The following HTR1F variants were observed in gnomAD, a reference collection of about 807,000 sequenced individuals.
The protein encoded by HTR1F is 5-hydroxytryptamine receptor 1F.
In HTR1F, 17 loss-of-function variants were observed where a neutral mutation model predicts 24.0. That is an observed-to-expected ratio of 0.71 (90% confidence interval 0.48 to 1.06). HTR1F has a LOEUF of 1.06. Ranked by LOEUF, HTR1F falls within the 50% of genes least tolerant of loss-of-function variation. The pLI is 0.00. For missense variants in HTR1F, 391 were observed against 427.8 expected (o/e 0.91, Z 0.76); for synonymous variants, 186 against 156.8 (o/e 1.19, Z -1.39).
intron 1 of HTR1F, among the ~76,000 whole-genome samples, chr3:87,798,013 T>C (rs1254537049): frequency 6.6e-6 from 1 of 152,182 alleles, no homozygotes; most frequent in African/African-American, 2.4e-5. Context: ...ATCTGTCCTT[T>C]GGCCAGCATC....
chr3:87,793,008 A>C (rs1703841732), intron 1 of HTR1F, among the ~76,000 whole-genome samples, 166 bp downstream of exon 1: 1 of 152,212 alleles, frequency 6.6e-6, no homozygotes, highest in Non-Finnish European at 1.5e-5. Flanking sequence ...CACTACTTTG[A>C]TCTAACAGCG....
At chr3:87,914,515 G>T (rs564236628) in intron 2 of HTR1F, among the ~76,000 whole-genome samples, 2 of 152,156 alleles carry the variant, frequency 1.3e-5, no homozygotes, top group East Asian at 3.9e-4. Context: ...GCACGCTGCA[G>T]GTCAGACCAG....
intron 2 of HTR1F, among the ~76,000 whole-genome samples, chr3:87,920,712 G>A (rs1703996168): frequency 6.6e-6 from 1 of 151,830 alleles, no homozygotes; most frequent in Admixed American, 6.6e-5. Context: ...AACACACAAT[G>A]GGGCCTGCTT....
intron 2 of HTR1F, among the ~76,000 whole-genome samples, chr3:87,960,244 G>C (rs549031743): frequency 6.6e-6 from 1 of 151,926 alleles, no homozygotes; most frequent in African/African-American, 2.4e-5. Flanking sequence ...TACTTGATGA[G>C]CCTTCATTTA....
intron 2 of HTR1F, among the ~76,000 whole-genome samples, chr3:87,985,582 A>G (rs965379750): frequency 2.0e-5 from 3 of 152,238 alleles, no homozygotes; most frequent in Admixed American, 2.0e-4. Context: ...TAAGCATGTT[A>G]ATGCATGGAA....
At chr3:87,869,484 TA>T (rs1705509141) in intron 2 of HTR1F, among the ~76,000 whole-genome samples, 1 of 149,934 alleles carries the variant, frequency 6.7e-6, no homozygotes, top group African/African-American at 2.5e-5. Flanking sequence ...AGATAGATGA[TA>T]GATAGATATT....
At chr3:87,839,505 G>T (rs1333350506) in intron 2 of HTR1F, among the ~76,000 whole-genome samples, 2 of 151,906 alleles carry the variant, frequency 1.3e-5, no homozygotes, top group Non-Finnish European at 2.9e-5. Flanking sequence ...TTCCTACTTC[G>T]CTCTTTTCAC....
intron 2 of HTR1F, among the ~76,000 whole-genome samples, chr3:87,884,907 AAC>A (rs1313850280): frequency 6.6e-6 from 1 of 152,160 alleles, no homozygotes; most frequent in African/African-American, 2.4e-5. Context: ...GGGAGACTTT[AAC>A]ACCCCACTGT....
chr3:87,849,352 T>C (rs1705025904), intron 2 of HTR1F, among the ~76,000 whole-genome samples: 1 of 151,430 alleles, frequency 6.6e-6, no homozygotes, highest in Non-Finnish European at 1.5e-5. Context: ...AAACAAGCAA[T>C]GGGGAAAGGA....
At chr3:87,891,285 G>A (rs1706080187) in intron 2 of HTR1F, among the ~76,000 whole-genome samples, 1 of 148,088 alleles carries the variant, frequency 6.8e-6, no homozygotes, top group Non-Finnish European at 1.5e-5. Context: ...TATAAATTGA[G>A]TGTTTTTTGT....
At chr3:87,967,590 G>T (rs866771772) in intron 2 of HTR1F, among the ~76,000 whole-genome samples, 8 of 151,908 alleles carry the variant, frequency 5.3e-5, no homozygotes, top group Admixed American at 1.3e-4. Flanking sequence ...GAATCATGGG[G>T]GGGGGTGGGT....
intron 2 of HTR1F, among the ~76,000 whole-genome samples, chr3:87,830,018 A>AT (rs1704543809): frequency 6.6e-6 from 1 of 152,124 alleles, no homozygotes; most frequent in South Asian, 2.1e-4. Context: ...TAATTTAAGC[A>AT]TTTTCTAGTC....
intron 2 of HTR1F, among the ~76,000 whole-genome samples, chr3:87,838,558 T>C (rs528843491): frequency 1.3e-5 from 2 of 152,146 alleles, no homozygotes; most frequent in Non-Finnish European, 2.9e-5. Flanking sequence ...TCCAAGTTAT[T>C]GTATATAGCA....
At chr3:87,843,673 T>TCCCCCCCCC (rs36180414) in intron 2 of HTR1F, among the ~76,000 whole-genome samples, 1 of 122,554 alleles carries the variant, frequency 8.2e-6, no homozygotes, top group Non-Finnish European at 1.7e-5. Context: ...GTGCTATCCC[T>TCCCCCCCCC]CCCCCTCCCC....
intron 2 of HTR1F, among the ~76,000 whole-genome samples, chr3:87,980,583 A>G (rs1179771484): frequency 2.0e-5 from 3 of 152,134 alleles, no homozygotes; most frequent in Non-Finnish European, 4.4e-5. Flanking sequence ...CCTGGCTTGA[A>G]CATGGGGTTT....
At chr3:87,911,481 A>G (rs1336890869) in intron 2 of HTR1F, among the ~76,000 whole-genome samples, 2 of 152,036 alleles carry the variant, frequency 1.3e-5, no homozygotes, top group African/African-American at 4.8e-5. Context: ...TAAATAGCCT[A>G]TCAGGACTGG....
At chr3:87,917,348 A>G (rs550580348) in intron 2 of HTR1F, among the ~76,000 whole-genome samples, 2 of 151,820 alleles carry the variant, frequency 1.3e-5, no homozygotes, top group East Asian at 3.9e-4. Context: ...AAGAATGGAA[A>G]TAACCAAGAT....
intron 2 of HTR1F, among the ~76,000 whole-genome samples, chr3:87,829,826 T>C (rs1266158769): frequency 1.3e-5 from 2 of 152,202 alleles, no homozygotes; most frequent in African/African-American, 2.4e-5. Context: ...TGTTATGTAA[T>C]CAAAGGTATA....
intron 2 of HTR1F, among the ~76,000 whole-genome samples, chr3:87,919,603 C>G (rs1213933078): frequency 6.6e-6 from 1 of 151,916 alleles, no homozygotes; most frequent in Admixed American, 6.6e-5. Flanking sequence ...AAATGACCAA[C>G]AAACATATGA....
Sources: gnomAD v4.1 joint callset for allele counts (sites outside exome capture counted in the v4.1 genomes callset) on GRCh38, gnomAD v4.1.1 for gene constraint, MANE v1.5 for transcripts, NCBI Gene and HGNC (gene_info 2026-07-23, HGNC 2026-07-21) for gene names.